CENPE: variants seen among roughly 807,000 people sequenced by gnomAD.
CENPE encodes centromere protein E, also known as centromere-associated protein E.
CENPE carries 145 observed loss-of-function variants against 336.1 expected under a neutral mutation model. The ratio of observed to expected loss-of-function variants is 0.43; its 90% CI spans 0.38 to 0.50. The LOEUF (loss-of-function observed/expected upper bound fraction) is 0.50. Among genes scored for constraint, CENPE ranks in the 20% least tolerant of loss-of-function variants. The pLI, the probability that CENPE is intolerant of heterozygous loss-of-function variation, is 0.00. For synonymous variants in CENPE, 1,013 were observed against 984.8 expected (o/e 1.03, Z -0.54); for missense variants, 2,719 against 3,023.3 (o/e 0.90, Z 2.36).
At chr4:103,146,450 T>C (rs1334371612) in intron 29 of CENPE, among the ~76,000 whole-genome samples, 1 of 152,182 alleles carries the variant, frequency 6.6e-6, no homozygotes, top group African/African-American at 2.4e-5. Context: ...GTGTCAAATA[T>C]AATCTATTGT....
At position 103,143,691 on chromosome 4, in the gene CENPE, C is replaced by T. The variant is rs112250112; in HGVS notation, c.5146-285G>A. On this transcript the variant is annotated intron_variant, in intron 33 of 48. Transcript: ENST00000265148. ...CGTGAATGTGCTGCACTTATTTAAC[C>T]AGTCCCTTACCAATGGATGGTTAGA... 0.011 allele frequency among the ~76,000 whole-genome samples: 1,713 copies of T among 152,256 alleles called. 30 individuals are homozygous for T. Among genetic ancestry groups the T allele is most frequent in the African/African-American group, 0.038 (1,584 of 41,552 alleles).
chr4:103,151,183 G>C (rs756264409), intron 26 of CENPE, 36 bp downstream of exon 26: 2 of 1,568,968 alleles, frequency 1.3e-6, no homozygotes, highest in Non-Finnish European at 8.6e-7. Context: ...AGTTTAGTTA[G>C]AAAAAATGGC....
At chr4:103,171,621 T>C (rs1755417279) in intron 16 of CENPE, among the ~76,000 whole-genome samples, 1 of 149,028 alleles carries the variant, frequency 6.7e-6, no homozygotes. Flanking sequence ...AAGAACAAAC[T>C]AAACCCCAAA....
At chr4:103,159,517 G>GTTTT (rs1194443360) in intron 21 of CENPE, among the ~76,000 whole-genome samples, 193 bp from the exon 22 acceptor site, 1 of 151,800 alleles carries the variant, frequency 6.6e-6, no homozygotes, top group East Asian at 1.9e-4. Context: ...TACCTTTGAT[G>GTTTT]TTTTATTTTC....
chr4:103,166,116 C>A (rs923489853), intron 16 of CENPE, among the ~76,000 whole-genome samples: 1 of 151,976 alleles, frequency 6.6e-6, no homozygotes, highest in Non-Finnish European at 1.5e-5. Context: ...TTATCCCAAA[C>A]GTTAGTTTTA....
At chr4:103,180,828 C>A (rs557419643) in intron 12 of CENPE, among the ~76,000 whole-genome samples, 6 of 152,192 alleles carry the variant, frequency 3.9e-5, no homozygotes, top group African/African-American at 1.4e-4. Flanking sequence ...CATAAGATTA[C>A]CATTTGATAT....
At chr4:103,190,418 C>T (rs1430336610) in intron 8 of CENPE, among the ~76,000 whole-genome samples, 2 of 152,168 alleles carry the variant, frequency 1.3e-5, no homozygotes, top group African/African-American at 2.4e-5. Flanking sequence ...GTAACCAAAA[C>T]AGCATGGTAC....
At chr4:103,197,621 A>G (rs910517074) in intron 1 of CENPE, among the ~76,000 whole-genome samples, 21 of 152,256 alleles carry the variant, frequency 1.4e-4, no homozygotes, top group African/African-American at 4.8e-4. Flanking sequence ...GTCGAGGGCC[A>G]GAAGCTAGTG....
intron 21 of CENPE, 23 bp downstream of exon 21, chr4:103,160,602 T>C: frequency 6.3e-7 from 1 of 1,581,718 alleles, no homozygotes; most frequent in Non-Finnish European, 8.6e-7. Context: ...AAATAAGGGA[T>C]AAGTGCTTAT....
chr4:103,156,364 G>A (rs1239048387), intron 24 of CENPE, among the ~76,000 whole-genome samples: 42 of 152,208 alleles, frequency 2.8e-4, no homozygotes. Flanking sequence ...AAACAATGTG[G>A]TGCTAGCATA....
At chr4:103,183,029 T>TAGTA in intron 10 of CENPE, 138 bp from the exon 11 acceptor site, 1 of 894,892 alleles carries the variant, frequency 1.1e-6, no homozygotes, top group South Asian at 1.9e-5. Flanking sequence ...AGATTAAAAC[T>TAGTA]ACTAAAAAAT....
intron 16 of CENPE, among the ~76,000 whole-genome samples, chr4:103,164,069 T>G (rs1754704118): frequency 6.6e-6 from 1 of 152,128 alleles, no homozygotes; most frequent in Admixed American, 6.6e-5. Flanking sequence ...TTTCATGCAG[T>G]GCCTTTACAA....
At chr4:103,161,581 C>T in intron 18 of CENPE, 124 bp from the exon 19 acceptor site, 2 of 714,122 alleles carry the variant, frequency 2.8e-6, no homozygotes, top group Non-Finnish European at 2.1e-6. Context: ...TGCTAGTTAC[C>T]AAATATATAA....
At chr4:103,148,704 G>T in intron 28 of CENPE, 140 bp downstream of exon 28, 1 of 728,240 alleles carries the variant, frequency 1.4e-6, no homozygotes. Flanking sequence ...CTAGGAGTGT[G>T]CCTGCCACAT....
At chr4:103,135,559 T>C (rs1751994900) in intron 40 of CENPE, among the ~76,000 whole-genome samples, 1 of 152,104 alleles carries the variant, frequency 6.6e-6, no homozygotes, top group South Asian at 2.1e-4. Context: ...TCTCCAGCCC[T>C]GTGAAACCCT....
At chr4:103,137,072 A>G (rs1249360459) in intron 39 of CENPE, among the ~76,000 whole-genome samples, 1 of 152,196 alleles carries the variant, frequency 6.6e-6, no homozygotes, top group Non-Finnish European at 1.5e-5. Flanking sequence ...TTATGTTTAT[A>G]AACATGTTTC....
chr4:103,138,218 T>A, intron 39 of CENPE, 133 bp downstream of exon 39: 2 of 671,630 alleles, frequency 3.0e-6, no homozygotes, highest in South Asian at 3.5e-5. Flanking sequence ...ACACCTGTAC[T>A]AGATTACAAT....
At chr4:103,175,007 T>C in intron 15 of CENPE, 104 bp from the exon 16 acceptor site, 1 of 678,340 alleles carries the variant, frequency 1.5e-6, no homozygotes, top group Non-Finnish European at 2.3e-6. Flanking sequence ...TTTGATTTGA[T>C]ATCTTTCTAA....
chr4:103,114,188 G>A (rs766817406), intron 46 of CENPE, among the ~76,000 whole-genome samples: 1 of 152,062 alleles, frequency 6.6e-6, no homozygotes, highest in Admixed American at 6.6e-5. Flanking sequence ...TTGCCTGAAG[G>A]TATCTTCACT....
Sources: gnomAD v4.1 joint callset for allele counts (sites outside exome capture counted in the v4.1 genomes callset) on GRCh38, gnomAD v4.1.1 for gene constraint, MANE v1.5 for transcripts, NCBI Gene and HGNC (gene_info 2026-07-23, HGNC 2026-07-21) for gene names.